The following DCLK1 variants were observed in gnomAD, a reference collection of about 807,000 sequenced individuals.
DCLK1 encodes serine/threonine-protein kinase DCLK1.
Under a neutral mutation model 86.2 loss-of-function variants are expected in DCLK1, and 16 were observed. That is an observed-to-expected ratio of 0.19 (90% CI 0.13 to 0.28). The LOEUF (loss-of-function observed/expected upper bound fraction) is 0.28, where lower values mean the gene tolerates loss of function less well. DCLK1 is among the 10% of genes least tolerant of loss of function. DCLK1 has a pLI of 1.00. For missense variants in DCLK1, 590 were observed against 940.2 expected (o/e 0.63, Z 4.87); for synonymous variants, 369 against 370.5 (o/e 1.00, Z 0.05).
intron 3 of DCLK1, among the ~76,000 whole-genome samples, chr13:36,088,089 C>T (rs1004327787): frequency 1.3e-5 from 2 of 152,164 alleles, no homozygotes; most frequent in African/African-American, 2.4e-5. Flanking sequence ...CTGTGGAAAC[C>T]GATCTCTCCT....
intron 3 of DCLK1, among the ~76,000 whole-genome samples, chr13:36,068,771 C>T (rs1883859552): frequency 1.3e-5 from 2 of 152,176 alleles, no homozygotes. Context: ...ATCCATAATT[C>T]ATCTCACTAG....
Position 36,121,673 on chromosome 13 carries a change from GCACAGTATA to G in DCLK1, c.376+4080_376+4088del, listed in dbSNP as rs571939597. On this transcript the variant is annotated intron_variant, in intron 2 of 16. Coordinates refer to ENST00000360631, the MANE Select transcript of DCLK1 (RefSeq NM_001330071.2). Reference sequence around the variant, plus strand: ...TAGGTATGTATTCACAGGAAAAAAAGCACAGTATACACAGGGTTCAGTACTATTTGCAGT... The same window carrying G: ...TAGGTATGTATTCACAGGAAAAAAAGCACAGGGTTCAGTACTATTTGCAGT... 1.2e-3 allele frequency among the ~76,000 whole-genome samples: 190 copies of G among 152,224 alleles called. 1 individual carries two copies. The highest frequency in any genetic ancestry group is 4.3e-3 in the African/African-American group (179 of 41,526).
At position 35,988,120 on chromosome 13, in the gene DCLK1, C is replaced by A. The variant is rs143349235; in HGVS notation, c.724-40663G>T. ...GTCCTGATGGGGCTGGAAGACCCAGCCCCACTGTTTCCTCCCTCCAACCCT... is the reference window on the plus strand; with the variant it reads ...GTCCTGATGGGGCTGGAAGACCCAGACCCACTGTTTCCTCCCTCCAACCCT... On this transcript the variant is annotated intron_variant, in intron 3 of 16. Transcript: ENST00000360631. 5.5e-3 allele frequency among the ~76,000 whole-genome samples: 844 copies of A among 152,338 alleles called. 6 individuals are homozygous for A. Among genetic ancestry groups the A allele is most frequent in the African/African-American group, 0.019 (804 of 41,590 alleles).
intron 6 of DCLK1, among the ~76,000 whole-genome samples, chr13:35,841,540 A>C (rs1869791765): frequency 6.6e-6 from 1 of 152,124 alleles, no homozygotes; most frequent in Non-Finnish European, 1.5e-5. Context: ...AAGGAAAAAA[A>C]AGTAGGGTTA....
chr13:35,852,152 C>A (rs1398538714), intron 6 of DCLK1, among the ~76,000 whole-genome samples: 2 of 152,182 alleles, frequency 1.3e-5, no homozygotes, highest in African/African-American at 4.8e-5. Flanking sequence ...GAAGTGTCTT[C>A]TTTTAGCACA....
intron 3 of DCLK1, among the ~76,000 whole-genome samples, chr13:36,069,347 T>A (rs1883883131): frequency 6.6e-6 from 1 of 152,168 alleles, no homozygotes; most frequent in South Asian, 2.1e-4. Context: ...TATGCCAACA[T>A]GCAACAGAAA....
intron 4 of DCLK1, among the ~76,000 whole-genome samples, chr13:35,892,492 T>G (rs1479839389): frequency 6.6e-6 from 1 of 152,208 alleles, no homozygotes; most frequent in Non-Finnish European, 1.5e-5. Context: ...CTGTCAATGT[T>G]TTCTATCCAA....
chr13:35,953,707 T>C (rs2153134890), intron 3 of DCLK1, among the ~76,000 whole-genome samples: 1 of 152,282 alleles, frequency 6.6e-6, no homozygotes, highest in South Asian at 2.1e-4. Flanking sequence ...GCATCTGCTG[T>C]TTACACATTT....
chr13:36,088,147 G>C (rs889838707), intron 3 of DCLK1, among the ~76,000 whole-genome samples: 2 of 152,204 alleles, frequency 1.3e-5, no homozygotes, highest in Non-Finnish European at 2.9e-5. Flanking sequence ...CAAAGGTTAA[G>C]TGACTGCTGG....
chr13:35,870,269 G>T (rs993831021), intron 5 of DCLK1, among the ~76,000 whole-genome samples: 2 of 152,092 alleles, frequency 1.3e-5, no homozygotes, highest in African/African-American at 4.8e-5. Flanking sequence ...AGCAGTAATT[G>T]GTAAAACTCC....
chr13:35,861,992 C>T (rs1871428031), intron 5 of DCLK1, among the ~76,000 whole-genome samples: 1 of 149,322 alleles, frequency 6.7e-6, no homozygotes, highest in South Asian at 2.1e-4. Flanking sequence ...AGATTGCGCC[C>T]ACCGCACTCC....
In DCLK1 at chr13:35,963,485, T is replaced by G. The variant is rs142718430; in HGVS notation, c.724-16028A>C. Among the ~76,000 whole-genome samples, 18 of 152,324 alleles carry G rather than the reference T, an allele frequency of 1.2e-4. No individual in the cohort carries two copies. The East Asian group carries it at 3.5e-3, about 29-fold the overall frequency. Reference sequence around the variant, plus strand: ...GGGATTATCAAGAATTGGCTTATGCTGAGAGGTTAAAGGGTATGAAATTTT... The same window carrying G: ...GGGATTATCAAGAATTGGCTTATGCGGAGAGGTTAAAGGGTATGAAATTTT... On this transcript the variant is annotated intron_variant, in intron 3 of 16. Transcript: ENST00000360631.
At chr13:35,850,207 T>G (rs1870506977) in intron 6 of DCLK1, 1 of 983,526 alleles carries the variant, frequency 1.0e-6, no homozygotes, top group South Asian at 4.7e-5. Context: ...AGTATTTTTA[T>G]TATTTTGTAA....
At position 35,869,878 on chromosome 13, in the gene DCLK1, A is replaced by G. The variant is rs771651313; in HGVS notation, c.940+1346T>C. The stretch of plus-strand genomic sequence containing the variant: ...CTACCCGATCCTAATCACCTGGAGT[A>G]CTTGCTGAAACACAGGTTTAGGTCC... On this transcript the variant is annotated intron_variant, in intron 5 of 16. Coordinates refer to ENST00000360631, the MANE Select transcript of DCLK1 (RefSeq NM_001330071.2). Among the ~76,000 whole-genome samples, 223 of 152,312 alleles carry G rather than the reference A, an allele frequency of 1.5e-3. 3 individuals are homozygous for G. The highest frequency in any genetic ancestry group is 1.2e-3 in the Non-Finnish European group (80 of 68,024).
intron 3 of DCLK1, among the ~76,000 whole-genome samples, chr13:36,004,793 G>T (rs1880876977): frequency 6.6e-6 from 1 of 152,066 alleles, no homozygotes; most frequent in South Asian, 2.1e-4. Context: ...GTCCAGGCTG[G>T]TCTCAAACTC....
intron 5 of DCLK1, among the ~76,000 whole-genome samples, chr13:35,870,950 G>A (rs1005610179): frequency 6.6e-6 from 1 of 152,206 alleles, no homozygotes; most frequent in South Asian, 2.1e-4. Flanking sequence ...AACTTTGGTG[G>A]TAGAAAGGAT....
chr13:35,994,402 A>G (rs942557382), intron 3 of DCLK1, among the ~76,000 whole-genome samples: 2 of 152,254 alleles, frequency 1.3e-5, no homozygotes, highest in Non-Finnish European at 2.9e-5. Context: ...TACAGCCCAC[A>G]AGAAAAACCT....
intron 4 of DCLK1, among the ~76,000 whole-genome samples, chr13:35,893,476 T>C (rs931228689): frequency 6.6e-6 from 1 of 152,224 alleles, no homozygotes; most frequent in African/African-American, 2.4e-5. Flanking sequence ...TGAGCATCCC[T>C]GACCTGAAAA....
intron 3 of DCLK1, among the ~76,000 whole-genome samples, chr13:36,032,883 C>A (rs1459715148): frequency 6.6e-6 from 1 of 152,212 alleles, no homozygotes; most frequent in Non-Finnish European, 1.5e-5. Context: ...GGGAAAGAAT[C>A]ATTTTTAACA....
Sources: allele counts gnomAD v4.1 joint callset (sites outside exome capture counted in the v4.1 genomes callset), GRCh38; gene constraint gnomAD v4.1.1; transcripts MANE v1.5; gene names NCBI Gene and HGNC (gene_info 2026-07-23, HGNC 2026-07-21).